The following ATP8A2 variants were observed in gnomAD, a reference collection of about 807,000 sequenced individuals.
ATP8A2 encodes the protein phospholipid-transporting ATPase IB.
Under a neutral mutation model 165.6 loss-of-function variants are expected in ATP8A2, and 100 were observed. The observed-to-expected ratio is 0.60, with a 90% confidence interval of 0.51 to 0.71. The LOEUF is 0.71. Among genes scored for constraint, ATP8A2 ranks in the 30% least tolerant of loss-of-function variants. ATP8A2 has a pLI of 0.00. For synonymous variants in ATP8A2, 543 were observed against 548.8 expected, an observed-to-expected ratio of 0.99 and a Z score of 0.15; for missense variants, 1,227 against 1,479.5, an observed-to-expected ratio of 0.83 and a Z score of 2.80.
chr13:25,548,388 A>G (rs1266458703), intron 10 of ATP8A2, among the ~76,000 whole-genome samples: 2 of 152,234 alleles, frequency 1.3e-5, no homozygotes, highest in Non-Finnish European at 2.9e-5. Context: ...TAGATGAAAG[A>G]TAAAGTTTTC....
intron 25 of ATP8A2, among the ~76,000 whole-genome samples, chr13:25,740,255 G>A (rs1228864334): frequency 6.7e-6 from 1 of 148,360 alleles, no homozygotes; most frequent in Non-Finnish European, 1.5e-5. Context: ...CTTGCAGTGA[G>A]CTGAGATCGC....
intron 2 of ATP8A2, among the ~76,000 whole-genome samples, chr13:25,498,745 C>T (rs529511081): frequency 1.2e-4 from 18 of 152,272 alleles, no homozygotes; most frequent in South Asian, 2.1e-4. Context: ...ACTATGTCCC[C>T]GATGCCGTTA....
At chr13:25,553,089 C>T (rs1380646159) in intron 11 of ATP8A2, among the ~76,000 whole-genome samples, 1 of 151,938 alleles carries the variant, frequency 6.6e-6, no homozygotes, top group Non-Finnish European at 1.5e-5. Flanking sequence ...CCTTAAGCCT[C>T]TTGCTAAGTT....
intron 30 of ATP8A2, among the ~76,000 whole-genome samples, chr13:25,854,328 TTTTG>T (rs886685019): frequency 6.6e-6 from 1 of 151,980 alleles, no homozygotes; most frequent in African/African-American, 2.4e-5. Context: ...CATAAGAAAA[TTTTG>T]TTTGTTTGTT....
At chr13:25,922,815 G>A (rs1954498311) in intron 33 of ATP8A2, among the ~76,000 whole-genome samples, 1 of 152,150 alleles carries the variant, frequency 6.6e-6, no homozygotes, top group Non-Finnish European at 1.5e-5. Context: ...TGCATCTCAG[G>A]CAACTGTGAG....
intron 13 of ATP8A2, 98 bp downstream of exon 13, chr13:25,555,166 C>A: frequency 1.2e-6 from 1 of 824,512 alleles, no homozygotes; most frequent in Non-Finnish European, 2.1e-6. Context: ...AAAAATACTT[C>A]TCCATGAACA....
intron 30 of ATP8A2, among the ~76,000 whole-genome samples, chr13:25,850,742 C>T (rs918977452): frequency 3.3e-5 from 5 of 152,186 alleles, no homozygotes; most frequent in Non-Finnish European, 5.9e-5. Flanking sequence ...AATATTTTGT[C>T]AGCAACTTGC....
intron 33 of ATP8A2, among the ~76,000 whole-genome samples, chr13:25,865,390 G>A (rs1439737657): frequency 6.6e-6 from 1 of 152,156 alleles, no homozygotes; most frequent in African/African-American, 2.4e-5. Flanking sequence ...TTAAACTAGT[G>A]CCTAATAGCA....
intron 1 of ATP8A2, among the ~76,000 whole-genome samples, chr13:25,390,257 G>C (rs2033196605): frequency 6.6e-6 from 1 of 152,268 alleles, no homozygotes; most frequent in Admixed American, 6.5e-5. Flanking sequence ...GCCTCCCAAA[G>C]TGCTGGGATT....
chr13:25,539,296 T>A (rs181206705), intron 7 of ATP8A2, among the ~76,000 whole-genome samples: 329 of 152,192 alleles, frequency 2.2e-3, no homozygotes, highest in South Asian at 0.012. Flanking sequence ...GGCTCATTTT[T>A]AAAAATTTTT....
chr13:25,794,462 T>C (rs377412715), intron 27 of ATP8A2, among the ~76,000 whole-genome samples: 1 of 152,300 alleles, frequency 6.6e-6, no homozygotes, highest in East Asian at 1.9e-4. Flanking sequence ...ATTCCACTTA[T>C]TTGACATTCT....
chr13:26,009,588 G>C (rs2139347613), intron 35 of ATP8A2, among the ~76,000 whole-genome samples: 1 of 152,266 alleles, frequency 6.6e-6, no homozygotes, highest in East Asian at 1.9e-4. Flanking sequence ...AGTTAGCCTT[G>C]GATGGAGGCC....
At position 25,574,850 on chromosome 13, in the gene ATP8A2, T is replaced by A. The variant is rs980662708; in HGVS notation, c.1705T>A (p.Phe569Ile). 2.0e-6 allele frequency: 3 copies of A among 1,536,116 alleles called. No homozygotes were observed. The highest frequency in any genetic ancestry group is 2.7e-5 in the African/African-American group (2 of 72,908). Residue 569 changes from phenylalanine (F) to isoleucine (I), a missense_variant, in exon 19 of 37, where the codon TTT (phenylalanine) becomes ATT (isoleucine). Physicochemically the swap from Phe to Ile is conservative, Grantham distance 21 (BLOSUM62 0). Transcript: ENST00000381655. ...ATTCGGAATCCTTAATGTCCTGGAA[T>A]TTTCTAGGTATGTTTCTCTTTCATA... ...QTFGILNVLE[F>I]SSDRKRMSVI...
At chr13:25,514,075 C>T (rs1173212083) in intron 2 of ATP8A2, among the ~76,000 whole-genome samples, 1 of 151,858 alleles carries the variant, frequency 6.6e-6, no homozygotes, top group Non-Finnish European at 1.5e-5. Context: ...TATTAAGTCT[C>T]TTTTATTTTG....
At chr13:25,870,395 TG>T (rs1952642059) in intron 33 of ATP8A2, among the ~76,000 whole-genome samples, 1 of 152,178 alleles carries the variant, frequency 6.6e-6, no homozygotes. Context: ...GACACAGGCC[TG>T]GGGGTGGAGC....
rs543989008 is a variant in ATP8A2, at chr13:25,737,832, G to C, written c.2385-31214G>C. On this transcript the variant is annotated intron_variant, in intron 25 of 36. Coordinates refer to ENST00000381655, the MANE Select transcript of ATP8A2 (RefSeq NM_016529.6). ...CGAGTAGCTGGGACTTCAGGCGCCT[G>C]GCCACCATGCCTGACTAATTTTTTT... 2.6e-3 allele frequency among the ~76,000 whole-genome samples: 403 copies of C among 152,210 alleles called. 2 individuals carry two copies. Among genetic ancestry groups the C allele is most frequent in the Middle Eastern group, 0.01 (3 of 294 alleles).
intron 1 of ATP8A2, among the ~76,000 whole-genome samples, chr13:25,387,799 C>T (rs111320269): frequency 1.0e-3 from 158 of 152,260 alleles, no homozygotes; most frequent in African/African-American, 3.6e-3. Context: ...CGTGGTGGCT[C>T]ATGCCTGTAA....
chr13:25,948,893 G>A (rs1419093080), intron 33 of ATP8A2, among the ~76,000 whole-genome samples: 2 of 152,214 alleles, frequency 1.3e-5, no homozygotes, highest in African/African-American at 4.8e-5. Flanking sequence ...TGTTGTGGCA[G>A]CCCAAGGGGA....
At chr13:25,770,673 A>G (rs1031293006) in intron 26 of ATP8A2, among the ~76,000 whole-genome samples, 7 of 152,138 alleles carry the variant, frequency 4.6e-5, no homozygotes, top group Non-Finnish European at 1.0e-4. Context: ...GCGGTTACAT[A>G]TCTAGATGAT....
Sources: gnomAD v4.1 joint callset for allele counts (sites outside exome capture counted in the v4.1 genomes callset) on GRCh38, gnomAD v4.1.1 for gene constraint, MANE v1.5 for transcripts, NCBI Gene and HGNC (gene_info 2026-07-23, HGNC 2026-07-21) for gene names.